SH3RF3: variants seen among roughly 807,000 people sequenced by gnomAD.
The protein encoded by SH3RF3 is SH3 domain containing ring finger 3, also known as E3 ubiquitin-protein ligase SH3RF3.
SH3RF3 carries 29 observed loss-of-function variants against 66.3 expected under a neutral mutation model. That is an observed-to-expected ratio of 0.44 (90% CI 0.33 to 0.60). SH3RF3 has a LOEUF of 0.60. Ranked by LOEUF, SH3RF3 falls within the 20% of genes least tolerant of loss-of-function variation. The pLI is 0.04. For synonymous variants in SH3RF3, 583 were observed against 532.0 expected, an observed-to-expected ratio of 1.10 and a Z score of -1.32; for missense variants, 1,194 against 1,190.9, an observed-to-expected ratio of 1.00 and a Z score of -0.04.
chr2:109,352,787 G>T lies in SH3RF3; in HGVS notation c.849+4838G>T, dbSNP rs111589543. 9.5e-4 allele frequency among the ~76,000 whole-genome samples: 144 copies of T among 152,332 alleles called. 1 individual carries two copies. The highest frequency in any genetic ancestry group is 3.2e-3 in the African/African-American group (135 of 41,578). ...CCACGAAGGAGGCTCAACTCGCAGG[G>T]CACGGGGCAGAGGGGAGCAGAGCAC... is the stretch of plus-strand genomic sequence containing the variant. On this transcript the variant is annotated intron_variant, in intron 2 of 9. Transcript: ENST00000309415.
rs80267119 is a variant in SH3RF3, at chr2:109,251,838, A to G, written c.574-95836A>G. ...TTAATATTTTTAATACCAATTTTCTAATCCCTTTAAAGTACATAATGAGTT... is the reference window on the plus strand; with the variant it reads ...TTAATATTTTTAATACCAATTTTCTGATCCCTTTAAAGTACATAATGAGTT... On this transcript the variant is annotated intron_variant, in intron 1 of 9. Coordinates refer to ENST00000309415, the MANE Select transcript of SH3RF3 (RefSeq NM_001099289.3). Among the ~76,000 whole-genome samples, 23 of 152,336 alleles carry G rather than the reference A, an allele frequency of 1.5e-4. No individual in the cohort carries two copies. In the East Asian group the frequency reaches 4.0e-3, roughly 27 times the overall value.
Position 109,432,525 on chromosome 2 carries a change from G to A in SH3RF3, c.1428G>A (p.Lys476=). 1 of 1,613,616 alleles carries A rather than the reference G, an allele frequency of 6.2e-7. No individual in the cohort carries two copies. Among genetic ancestry groups the A allele is most frequent in the Non-Finnish European group, 8.5e-7 (1 of 1,179,800 alleles). The change falls in exon 6 of 10, where the codon AAG becomes AAA. Residue 476 remains lysine (K), a synonymous_variant. Transcript: ENST00000309415. ...GGTACCTGGCGCTCTACGCCTACAA[G>A]CCCCAGAAGAGTGACGAGCTGGAGC... ...LNVYLALYAY[K]PQKSDELELH...
intron 7 of SH3RF3, 65 bp from the exon 8 acceptor site, chr2:109,449,105 C>T: frequency 6.5e-7 from 1 of 1,540,888 alleles, no homozygotes. Flanking sequence ...ATTGCAGCTG[C>T]CTGGCAGGCA....
chr2:109,397,704 T>A (rs541382337), intron 3 of SH3RF3, among the ~76,000 whole-genome samples: 1 of 152,092 alleles, frequency 6.6e-6, no homozygotes, highest in South Asian at 2.1e-4. Context: ...TCACGGACCT[T>A]CCCCCAGTGG....
rs757947765 is a variant in SH3RF3 at position 109,501,578 on chromosome 2, G to A, written c.2556G>A (p.Val852=). 1 of 779,750 alleles carries A rather than the reference G, an allele frequency of 1.3e-6. No homozygotes were observed. Among genetic ancestry groups the A allele is most frequent in the Admixed American group, 1.7e-5 (1 of 58,934 alleles). The allele number at this position is 779,750 out of a possible 1,614,324, so 48.3% of individuals were successfully genotyped here. Residue 852 remains valine, a synonymous_variant, in exon 10 of 10, where the codon GTG becomes GTA. Coordinates refer to ENST00000309415, the MANE Select transcript of SH3RF3 (RefSeq NM_001099289.3). ...IELKEGDIVF[V]HKKREDGWYK... is the part of the protein sequence containing the mutation. ...TGAAGGAAGGCGACATCGTCTTTGT[G>A]CACAAGAAGCGTGAGGACGGCTGGT...
chr2:109,458,396 C>T (rs1203299493), intron 8 of SH3RF3, among the ~76,000 whole-genome samples: 1 of 152,140 alleles, frequency 6.6e-6, no homozygotes, highest in Non-Finnish European at 1.5e-5. Context: ...CACCTGCCTT[C>T]TAACTCTTAT....
Position 109,209,651 on chromosome 2 carries a change from C to T in SH3RF3, c.573+79538C>T, listed in dbSNP as rs147118043. ...AAAGGGAGAAACGCTGTGAATCAGT[C>T]GACTGCTCCTCTGGCAAGCAGGACC... On this transcript the variant is annotated intron_variant, in intron 1 of 9. Coordinates refer to ENST00000309415, the MANE Select transcript of SH3RF3 (RefSeq NM_001099289.3). 5.1e-3 allele frequency among the ~76,000 whole-genome samples: 780 copies of T among 152,242 alleles called. 4 individuals are homozygous for T. The highest frequency in any genetic ancestry group is 0.031 in the Middle Eastern group (9 of 294).
chr2:109,369,578 G>T (rs571935913), intron 2 of SH3RF3, among the ~76,000 whole-genome samples: 6 of 152,278 alleles, frequency 3.9e-5, no homozygotes, highest in South Asian at 2.1e-4. Context: ...GCTGGGGGTT[G>T]GGGGAGAGGA....
rs139744220 is a variant in SH3RF3 at position 109,380,029 on chromosome 2, A to G, written c.945+8348A>G. Among the ~76,000 whole-genome samples the G allele has an allele frequency of 1.1e-3, 170 of 152,304 alleles. 1 individual carries two copies. The highest frequency in any genetic ancestry group is 3.4e-3 in the Middle Eastern group (1 of 294). On this transcript the variant is annotated intron_variant, in intron 3 of 9. Transcript: ENST00000309415. ...GACATAAAGAAATAAATGAGTGTAA[A>G]GAAATGAGACAAGACTACATAAGAG...
At chr2:109,445,630 TAAAG>T (rs1056845539) in intron 7 of SH3RF3, among the ~76,000 whole-genome samples, 10 of 152,024 alleles carry the variant, frequency 6.6e-5, no homozygotes, top group African/African-American at 2.4e-4. Flanking sequence ...GGAAAGCTAA[TAAAG>T]AGGCTAAATA....
At chr2:109,390,781 C>T (rs1299744470) in intron 3 of SH3RF3, among the ~76,000 whole-genome samples, 1 of 152,150 alleles carries the variant, frequency 6.6e-6, no homozygotes, top group African/African-American at 2.4e-5. Flanking sequence ...CTCACAGGGG[C>T]GGTCGCTTCC....
chr2:109,310,668 C>T lies in SH3RF3; in HGVS notation c.574-37006C>T, dbSNP rs1338237873. On this transcript the variant is annotated intron_variant, in intron 1 of 9. Coordinates refer to ENST00000309415, the MANE Select transcript of SH3RF3 (RefSeq NM_001099289.3). ...AAAATGATAAAGGGGATATCACCAC[C>T]GATCCCACAGAAATACAAACTACCA... 8.9e-5 allele frequency among the ~76,000 whole-genome samples: 5 copies of T among 56,316 alleles called. No individual in the cohort carries two copies. In the East Asian group the frequency reaches 3.3e-3, roughly 37 times the overall value. The allele number at this position is 56,316 out of a possible 152,430, so 36.9% of individuals were successfully genotyped here. A position where few individuals can be genotyped will look rare whatever the true frequency, so the allele number is the denominator to read the frequency against.
intron 5 of SH3RF3, among the ~76,000 whole-genome samples, chr2:109,431,571 G>C (rs1402877783): frequency 2.0e-5 from 3 of 152,184 alleles, no homozygotes. Flanking sequence ...CACTAAATTT[G>C]CTCTTTCCTT....
intron 1 of SH3RF3, among the ~76,000 whole-genome samples, chr2:109,285,042 C>T (rs1476227841): frequency 6.6e-6 from 1 of 152,238 alleles, no homozygotes; most frequent in African/African-American, 2.4e-5. Flanking sequence ...GGGGCCTCTG[C>T]TCCATGGCCG....
chr2:109,266,924 A>T (rs1179992562), intron 1 of SH3RF3, among the ~76,000 whole-genome samples: 2 of 152,206 alleles, frequency 1.3e-5, no homozygotes, highest in African/African-American at 4.8e-5. Context: ...GCAGGAGAGG[A>T]TGTCTGTGAG....
chr2:109,249,532 T>TTTCCTTCCTTCCTTCCTTCC (rs34592741), intron 1 of SH3RF3, among the ~76,000 whole-genome samples: 16 of 96,494 alleles, frequency 1.7e-4, no homozygotes, highest in Non-Finnish European at 2.6e-4. Context: ...TCTTTCTTTC[T>TTTCCTTCCTTCCTTCCTTCC]TTCCTTCCTT....
chr2:109,333,725 A>T (rs1207648496), intron 1 of SH3RF3, among the ~76,000 whole-genome samples: 1 of 152,222 alleles, frequency 6.6e-6, no homozygotes, highest in East Asian at 1.9e-4. Context: ...CTAGAGTTTA[A>T]ATCCCAGCTC....
At chr2:109,480,297 C>T (rs555121425) in intron 8 of SH3RF3, among the ~76,000 whole-genome samples, 1 of 152,314 alleles carries the variant, frequency 6.6e-6, no homozygotes, top group African/African-American at 2.4e-5. Context: ...TGTTTGATCC[C>T]CACAGCCACC....
intron 7 of SH3RF3, among the ~76,000 whole-genome samples, chr2:109,448,063 C>T (rs1170443237): frequency 2.0e-5 from 3 of 152,122 alleles, no homozygotes; most frequent in Non-Finnish European, 4.4e-5. Context: ...CTCTCACATG[C>T]TCAGCCCTCA....
Sources: allele counts gnomAD v4.1 joint callset (sites outside exome capture counted in the v4.1 genomes callset), GRCh38; gene constraint gnomAD v4.1.1; transcripts MANE v1.5; gene names NCBI Gene and HGNC (gene_info 2026-07-23, HGNC 2026-07-21).